Variants in ACCSL observed in about 807,000 individuals in gnomAD.
ACCSL encodes 1-aminocyclopropane-1-carboxylate synthase homolog (inactive) like.
In ACCSL, 55 loss-of-function variants were observed where a neutral mutation model predicts 61.7. The observed-to-expected ratio is 0.89, with a 90% CI of 0.72 to 1.12. The LOEUF (loss-of-function observed/expected upper bound fraction) is 1.12, where lower values mean the gene tolerates loss of function less well. Ranked by LOEUF, ACCSL falls within the 50% of genes most tolerant of loss-of-function variation. The pLI, the probability that ACCSL is intolerant of heterozygous loss-of-function variation, is 0.00. For synonymous variants in ACCSL, 258 were observed against 264.3 expected, an observed-to-expected ratio of 0.98 and a Z score of 0.23; for missense variants, 632 against 698.0, an observed-to-expected ratio of 0.91 and a Z score of 1.07.
chr11:43,950,440 TG>T, the ACCSL span, among the ~76,000 whole-genome samples: 1 of 152,268 alleles, frequency 6.6e-6, no homozygotes, highest in Non-Finnish European at 1.5e-5. Flanking sequence ...AGTCTGTCTA[TG>T]CCAAAGGCAT....
At chr11:43,930,080 G>A in the ACCSL span, among the ~76,000 whole-genome samples, 1 of 152,192 alleles carries the variant, frequency 6.6e-6, no homozygotes, top group Non-Finnish European at 1.5e-5. Flanking sequence ...GCACTCCCGA[G>A]AGTGTCTGTC....
At chr11:44,031,455 G>A in the ACCSL span, among the ~76,000 whole-genome samples, 2 of 152,144 alleles carry the variant, frequency 1.3e-5, no homozygotes, top group Non-Finnish European at 2.9e-5. Flanking sequence ...GTGTCTCGAG[G>A]AAAACAAAGG....
the ACCSL span, among the ~76,000 whole-genome samples, chr11:43,938,989 C>T: frequency 3.3e-5 from 5 of 152,184 alleles, no homozygotes; most frequent in African/African-American, 1.2e-4. Flanking sequence ...CTTCCTGCTC[C>T]TTGGACAAAA....
At chr11:44,005,934 A>G in the ACCSL span, among the ~76,000 whole-genome samples, 4 of 152,210 alleles carry the variant, frequency 2.6e-5, no homozygotes, top group South Asian at 8.3e-4. Flanking sequence ...AAGATCCGCA[A>G]TGCAAGGAAT....
At chr11:44,001,751 AG>A in the ACCSL span, among the ~76,000 whole-genome samples, 1 of 93,846 alleles carries the variant, frequency 1.1e-5, no homozygotes. Flanking sequence ...GGGTGGGAGC[AG>A]GGGGGAAGTG....
chr11:44,013,765 A>AAAAAAACAAAAAC, the ACCSL span, among the ~76,000 whole-genome samples: 1 of 152,054 alleles, frequency 6.6e-6, no homozygotes, highest in African/African-American at 2.4e-5. Flanking sequence ...AAACAAAAAC[A>AAAAAAACAAAAAC]AAAAAACAGG....
At chr11:43,980,674 A>C in the ACCSL span, among the ~76,000 whole-genome samples, 1 of 152,074 alleles carries the variant, frequency 6.6e-6, no homozygotes, top group Non-Finnish European at 1.5e-5. Context: ...TTTGCTTGTC[A>C]TTTGCTCTAA....
At chr11:43,971,723 C>T in the ACCSL span, among the ~76,000 whole-genome samples, 2 of 152,170 alleles carry the variant, frequency 1.3e-5, no homozygotes, top group Admixed American at 6.5e-5. Flanking sequence ...TCCTGTCCCC[C>T]GAATTGTCCT....
chr11:43,990,183 C>G, the ACCSL span, among the ~76,000 whole-genome samples: 4 of 152,226 alleles, frequency 2.6e-5, no homozygotes, highest in Non-Finnish European at 5.9e-5. Flanking sequence ...CTACCTACTT[C>G]ATTGGTTTGT....
At chr11:43,943,310 G>A in the ACCSL span, 17 of 1,443,424 alleles carry the variant, frequency 1.2e-5, no homozygotes, top group Non-Finnish European at 1.3e-5. The surrounding 1 kb of genome is among the most constrained non-coding windows in gnomAD (Gnocchi z 4.8). Context: ...CGCGTCCGCG[G>A]TCCGCGCGGG....
the ACCSL span, among the ~76,000 whole-genome samples, chr11:43,924,233 G>C: frequency 6.6e-6 from 1 of 152,254 alleles, no homozygotes; most frequent in Admixed American, 6.5e-5. Context: ...GGATTTATCA[G>C]ATCTGGGATC....
chr11:43,974,237 T>C, the ACCSL span, among the ~76,000 whole-genome samples: 1 of 152,236 alleles, frequency 6.6e-6, no homozygotes, highest in Non-Finnish European at 1.5e-5. Flanking sequence ...ACTGCTGTAA[T>C]TCACAGTGTT....
chr11:44,036,101 G>A, the ACCSL span, among the ~76,000 whole-genome samples: 1 of 152,314 alleles, frequency 6.6e-6, no homozygotes, highest in Non-Finnish European at 1.5e-5. Context: ...TCCCCAGGGG[G>A]CAACCAGGTA....
the ACCSL span, among the ~76,000 whole-genome samples, chr11:44,009,579 G>A: frequency 1.3e-5 from 2 of 151,894 alleles, no homozygotes; most frequent in African/African-American, 2.4e-5. Context: ...CAGCCTCGGC[G>A]ACATAGTGAG....
At chr11:43,989,911 T>G in the ACCSL span, among the ~76,000 whole-genome samples, 1 of 152,142 alleles carries the variant, frequency 6.6e-6, no homozygotes, top group Non-Finnish European at 1.5e-5. Flanking sequence ...CGCCAAGAGG[T>G]CAGGCAGCCC....
the ACCSL span, among the ~76,000 whole-genome samples, chr11:43,975,832 G>A: frequency 6.6e-6 from 1 of 152,286 alleles, no homozygotes; most frequent in Non-Finnish European, 1.5e-5. Context: ...AGAAGGTGTG[G>A]CCAAGAGCCA....
At chr11:43,924,351 G>T in the ACCSL span, among the ~76,000 whole-genome samples, 1 of 152,232 alleles carries the variant, frequency 6.6e-6, no homozygotes, top group Non-Finnish European at 1.5e-5. Context: ...CCTGGGGCCG[G>T]CAGCCTGGGT....
chr11:44,056,130 C>T (rs761560066), intron 10 of ACCSL, 45 bp downstream of exon 10: 10 of 1,614,034 alleles, frequency 6.2e-6, no homozygotes, highest in Non-Finnish European at 7.6e-6. Context: ...GAGGAGGAGC[C>T]AGGAATAGAA....
At chr11:44,017,035 G>A in the ACCSL span, among the ~76,000 whole-genome samples, 1 of 152,198 alleles carries the variant, frequency 6.6e-6, no homozygotes, top group East Asian at 1.9e-4. Flanking sequence ...TGAGGTGGGA[G>A]AAACAAGTCA....
Sources: gnomAD v4.1 joint callset for allele counts (sites outside exome capture counted in the v4.1 genomes callset) on GRCh38, gnomAD v4.1.1 for gene constraint, Gnocchi (gnomAD v3.1) non-coding constraint, MANE v1.5 for transcripts, NCBI Gene and HGNC (gene_info 2026-07-23, HGNC 2026-07-21) for gene names.